The following PIK3R3 variants were observed in gnomAD, a reference collection of about 807,000 sequenced individuals.
PIK3R3 encodes the protein phosphoinositide-3-kinase regulatory subunit 3.
A neutral mutation model predicts 62.9 loss-of-function variants in PIK3R3; 64 were observed. That is an observed-to-expected ratio of 1.02 (90% CI 0.83 to 1.25). The LOEUF (loss-of-function observed/expected upper bound fraction) is 1.25, where lower values mean the gene tolerates loss of function less well. PIK3R3 is among the 50% of genes most tolerant of loss of function. The pLI is 0.00. For synonymous variants in PIK3R3, 165 were observed against 189.0 expected (o/e 0.87, Z 1.04); for missense variants, 614 against 561.6 (o/e 1.09, Z -0.94).
intron 7 of PIK3R3, among the ~76,000 whole-genome samples, chr1:46,051,045 A>G (rs1377851229): frequency 6.6e-6 from 1 of 152,206 alleles, no homozygotes; most frequent in African/African-American, 2.4e-5. Context: ...GGGCTAAATG[A>G]AAGAGGTGAT....
In PIK3R3 at chr1:46,042,252, T is replaced by A. The variant is rs1397505748; in HGVS notation, c.*1421A>T. 8.8e-6 allele frequency: 2 copies of A among 227,010 alleles called. No homozygotes were observed. Among genetic ancestry groups the A allele is most frequent in the Admixed American group, 1.1e-4 (2 of 17,544 alleles). The allele number at this position is 227,010 out of a possible 1,614,324, so 14.1% of individuals were successfully genotyped here. The stretch of plus-strand genomic sequence containing the variant: ...ACTCAGCTGGAAGGCTTAAGCCACA[T>A]GGAGCAGAAGATTCCTGGCCTAAAA... On this transcript the variant is annotated 3_prime_UTR_variant, in exon 10 of 10. Coordinates refer to ENST00000262741, the MANE Select transcript of PIK3R3 (RefSeq NM_003629.4). This position sits in a 1 kb window ranked among gnomAD's most constrained non-coding sequence, Gnocchi z 4.3.
At chr1:46,096,666 GC>G (rs1231861046) in intron 1 of PIK3R3, among the ~76,000 whole-genome samples, 1 of 152,012 alleles carries the variant, frequency 6.6e-6, no homozygotes, top group Non-Finnish European at 1.5e-5. Context: ...AGGGAGACGG[GC>G]AGGCCGATCA....
chr1:46,133,191 G>T (rs1017980537), upstream of PIK3R3, among the ~76,000 whole-genome samples: 2 of 148,692 alleles, frequency 1.3e-5, no homozygotes, highest in Non-Finnish European at 2.9e-5. Context: ...GACAAAGGCA[G>T]AAGGGGAAAA....
intron 9 of PIK3R3, among the ~76,000 whole-genome samples, chr1:46,045,592 T>C (rs181579632): frequency 9.3e-5 from 13 of 139,364 alleles, no homozygotes; most frequent in Admixed American, 3.8e-4. Flanking sequence ...ACTAGACATA[T>C]AGGATACTAC....
intron 7 of PIK3R3, among the ~76,000 whole-genome samples, chr1:46,054,796 T>G (rs1436882980): frequency 7.9e-5 from 12 of 152,262 alleles, no homozygotes; most frequent in Non-Finnish European, 1.6e-4. Flanking sequence ...TGCCTATATT[T>G]GGCTAAATTA....
At position 46,041,784 on chromosome 1, in the gene PIK3R3, GTC is replaced by G. The variant is rs1206937994; in HGVS notation, c.*1887_*1888del. 9.6e-6 allele frequency: 2 copies of G among 207,570 alleles called. No homozygotes were observed. Among genetic ancestry groups the G allele is most frequent in the African/African-American group, 2.3e-5 (1 of 43,912 alleles). 12.9% of individuals were successfully genotyped at this position (207,570 alleles called of 1,614,324 possible). A position where few individuals can be genotyped will look rare whatever the true frequency, so the allele number is the denominator to read the frequency against. On this transcript the variant is annotated 3_prime_UTR_variant, in exon 10 of 10. Coordinates refer to ENST00000262741, the MANE Select transcript of PIK3R3 (RefSeq NM_003629.4). ...AATGACTTTAGAGGGGGGTTCATTT[GTC>G]TCTGTCTCACCCAATCCTGAAACTG...
intron 9 of PIK3R3, 88 bp downstream of exon 9, chr1:46,045,830 C>T: frequency 1.7e-6 from 2 of 1,202,616 alleles, no homozygotes; most frequent in Non-Finnish European, 2.5e-6. Context: ...TGTACATTAA[C>T]TAATTTCATC....
chr1:46,094,763 G>T (rs1470557761), intron 1 of PIK3R3, among the ~76,000 whole-genome samples: 1 of 152,192 alleles, frequency 6.6e-6, no homozygotes, highest in Non-Finnish European at 1.5e-5. Flanking sequence ...CAACTGCTTT[G>T]TGAGCTAAAT....
rs376088033 is a variant in PIK3R3, at chr1:46,062,062, T to C, written c.631A>G (p.Met211Val). The change falls in exon 6 of 10, where the codon ATG becomes GTG. Residue 211 changes from methionine (M) to valine (V), a missense_variant. Physicochemically the swap from Met to Val is conservative, Grantham distance 21. Transcript: ENST00000262741. ...EYTRTSQEIQ[M>V]KRTAIEAFNE... ...AAAGCTTCTATTGCAGTCCTCTTCA[T>C]CTGTATTTCCTACAGGAGAGAAAAA... 2.2e-5 allele frequency: 36 copies of C among 1,608,090 alleles called. No individual in the cohort carries two copies. The highest frequency in any genetic ancestry group is 2.7e-5 in the African/African-American group (2 of 74,596).
upstream of PIK3R3, among the ~76,000 whole-genome samples, chr1:46,133,358 G>C (rs556843111): frequency 5.4e-4 from 83 of 152,350 alleles, no homozygotes; most frequent in African/African-American, 2.0e-3. Flanking sequence ...GAGGAGCCAG[G>C]GAGGACCTGC....
chr1:46,043,602 T>A lies in PIK3R3; in HGVS notation c.*71A>T. 1 of 1,286,686 alleles carries A rather than the reference T, an allele frequency of 7.8e-7. No individual in the cohort carries two copies. Among genetic ancestry groups the A allele is most frequent in the Non-Finnish European group, 1.1e-6 (1 of 888,938 alleles). 79.7% of individuals were successfully genotyped at this position (1,286,686 alleles called of 1,614,324 possible). A position where few individuals can be genotyped will look rare whatever the true frequency, so the allele number is the denominator to read the frequency against. The stretch of plus-strand genomic sequence containing the variant: ...AAACAAGCAGTCTATGTAGAAAGAA[T>A]GCCCTCATCGTAGTCTAATAAAAAC... On this transcript the variant is annotated 3_prime_UTR_variant, in exon 10 of 10. Transcript: ENST00000262741.
chr1:46,147,089 G>A, the PIK3R3 span, among the ~76,000 whole-genome samples: 4 of 152,132 alleles, frequency 2.6e-5, no homozygotes, highest in Non-Finnish European at 4.4e-5. Context: ...TTTTGCAGCA[G>A]GAACTCTGTT....
the PIK3R3 span, among the ~76,000 whole-genome samples, chr1:46,142,743 G>C: frequency 2.0e-5 from 3 of 151,952 alleles, no homozygotes; most frequent in Admixed American, 6.6e-5. Flanking sequence ...GTAATTGCAG[G>C]CTGGCCTAAT....
the PIK3R3 span, among the ~76,000 whole-genome samples, chr1:46,152,737 G>C: frequency 6.6e-6 from 1 of 151,840 alleles, no homozygotes; most frequent in African/African-American, 2.4e-5. Flanking sequence ...TAATTTTTTT[G>C]GATTTTTAGT....
At chr1:46,143,284 T>C in the PIK3R3 span, among the ~76,000 whole-genome samples, 526 of 152,322 alleles carry the variant, frequency 3.5e-3, 5 homozygotes, top group East Asian at 0.033. Context: ...CCCAGGCTGG[T>C]CAGTCAATTG....
chr1:46,153,859 A>G, the PIK3R3 span, among the ~76,000 whole-genome samples: 1 of 152,254 alleles, frequency 6.6e-6, no homozygotes, highest in South Asian at 2.1e-4. Context: ...GTGGAATACT[A>G]TGATAGACAT....
intron 1 of PIK3R3, among the ~76,000 whole-genome samples, chr1:46,103,436 G>C (rs182270739): frequency 5.9e-5 from 9 of 151,934 alleles, no homozygotes; most frequent in South Asian, 2.1e-4. Flanking sequence ...CAGGCACAGT[G>C]GCAGGTGCCT....
the PIK3R3 span, among the ~76,000 whole-genome samples, chr1:46,165,751 CTTTTTTTTTTTTTTTTTT>C: frequency 1.0e-4 from 4 of 39,540 alleles, no homozygotes; most frequent in African/African-American, 1.9e-4. Flanking sequence ...CTGCTTTGTC[CTTTTTTTTTTTTTTTTTT>C]TTTTTTTTTT....
At chr1:46,168,465 C>T in the PIK3R3 span, among the ~76,000 whole-genome samples, 1 of 152,188 alleles carries the variant, frequency 6.6e-6, no homozygotes, top group Non-Finnish European at 1.5e-5. Context: ...CAGACTCCTT[C>T]ACCCTTCCAG....
Sources: gnomAD v4.1 joint callset for allele counts (sites outside exome capture counted in the v4.1 genomes callset) on GRCh38, gnomAD v4.1.1 for gene constraint, Gnocchi (gnomAD v3.1) non-coding constraint, MANE v1.5 for transcripts, NCBI Gene and HGNC (gene_info 2026-07-23, HGNC 2026-07-21) for gene names.